Variants in COQ2 observed in about 807,000 individuals in gnomAD.
The protein encoded by COQ2 is coenzyme Q2, polyprenyltransferase, also known as 4-hydroxybenzoate polyprenyltransferase, mitochondrial.
In COQ2, 25 loss-of-function variants were observed where a neutral mutation model predicts 35.7. That is an observed-to-expected ratio of 0.70 (90% CI 0.51 to 0.98). The LOEUF (loss-of-function observed/expected upper bound fraction) is 0.98. Ranked by LOEUF, COQ2 falls within the 50% of genes least tolerant of loss-of-function variation. The probability of loss-of-function intolerance (pLI) is 0.00; values close to 1 mark genes in which losing one functional copy is unlikely to be tolerated. For synonymous variants in COQ2, 206 were observed against 186.2 expected (o/e 1.11, Z -0.86); for missense variants, 488 against 473.5 (o/e 1.03, Z -0.28).
chr4:83,268,814 A>G (rs1342753883), intron 5 of COQ2, among the ~76,000 whole-genome samples: 1 of 152,244 alleles, frequency 6.6e-6, no homozygotes, highest in African/African-American at 2.4e-5. Flanking sequence ...TAGTGGAAGA[A>G]AACAGAATGA....
In COQ2 at chr4:83,279,091, A is replaced by C; in HGVS notation, c.277T>G (p.Cys93Gly). The change falls in exon 2 of 7, where the codon TGT (cysteine) becomes GGT (glycine). Residue 93 changes from cysteine to glycine, a missense_variant. Physicochemically the swap from Cys to Gly is radical, Grantham distance 159 (BLOSUM62 -3). Coordinates refer to ENST00000647002, the MANE Select transcript of COQ2 (RefSeq NM_001358921.2). ...GCTGCCAAACCAATGCTCCAGGTAC[A>C]TGGTAAATACAGAAGCCAGGTTCCT... ...PIGTWLLYLP[C>G]TWSIGLAAEP... 1 of 1,584,484 alleles carries C rather than the reference A, an allele frequency of 6.3e-7. No individual in the cohort carries two copies.
intron 1 of COQ2, chr4:83,283,366 C>A: frequency 2.0e-6 from 2 of 985,426 alleles, no homozygotes; most frequent in South Asian, 4.7e-5. Context: ...CAGATATGTT[C>A]TTGTCTAGTC....
At chr4:83,271,498 C>G (rs987714790) in intron 4 of COQ2, among the ~76,000 whole-genome samples, 1 of 152,058 alleles carries the variant, frequency 6.6e-6, no homozygotes, top group Non-Finnish European at 1.5e-5. Flanking sequence ...CATGACATAC[C>G]TAGATTTTTA....
intron 4 of COQ2, 60 bp from the exon 5 acceptor site, chr4:83,270,053 G>T (rs984824029): frequency 5.9e-5 from 93 of 1,567,096 alleles, no homozygotes; most frequent in Middle Eastern, 1.7e-4. Context: ...ATCCTAAAGG[G>T]AAGGAGTGGC....
At chr4:83,277,198 G>GA (rs1238338350) in intron 2 of COQ2, among the ~76,000 whole-genome samples, 120 of 150,818 alleles carry the variant, frequency 8.0e-4, no homozygotes, top group Middle Eastern at 6.8e-3. Flanking sequence ...CATTTTTAAA[G>GA]AAAAAAAAAG....
chr4:83,273,360 A>T, intron 3 of COQ2, 136 bp downstream of exon 3: 1 of 803,852 alleles, frequency 1.2e-6, no homozygotes, highest in Non-Finnish European at 1.9e-6. Context: ...GTGGTGAGTT[A>T]CTTACACTTG....
intron 1 of COQ2, among the ~76,000 whole-genome samples, chr4:83,280,948 A>T (rs564732325): frequency 2.3e-4 from 35 of 152,326 alleles, no homozygotes; most frequent in African/African-American, 8.4e-4. Flanking sequence ...TCTTTATATT[A>T]AACTTATTTA....
At chr4:83,268,078 A>G (rs1367707469) in intron 5 of COQ2, among the ~76,000 whole-genome samples, 2 of 152,324 alleles carry the variant, frequency 1.3e-5, no homozygotes, top group Non-Finnish European at 2.9e-5. Context: ...TATTTGTTAT[A>G]ATCCTATAAT....
intron 2 of COQ2, among the ~76,000 whole-genome samples, chr4:83,277,987 C>T (rs1735225541): frequency 7.5e-6 from 1 of 133,774 alleles, no homozygotes; most frequent in Non-Finnish European, 1.6e-5. Flanking sequence ...CACACACACA[C>T]ACACACACAC....
Position 83,264,292 on chromosome 4 carries a change from T to C in COQ2, c.1023A>G (p.Leu341=). The C allele has an allele frequency of 6.2e-7, 1 of 1,612,670 alleles. No individual in the cohort carries two copies. Among genetic ancestry groups the C allele is most frequent in the Non-Finnish European group, 8.5e-7 (1 of 1,179,444 alleles). The change falls in exon 7 of 7, where the codon CTA becomes CTG. Residue 341 remains leucine, a synonymous_variant. Coordinates refer to ENST00000647002, the MANE Select transcript of COQ2 (RefSeq NM_001358921.2). ...CAAGGACAATCCCTAAAAAAACTAT[T>C]AGTCCCAGTGTTCGGTTGGAGATAA... ...NKFISNRTLG[L]IVFLGIVLGN...
rs892814467 is a variant in COQ2, at chr4:83,284,692, G to A, written c.73C>T (p.Arg25Trp). 3.4e-6 allele frequency: 5 copies of A among 1,477,452 alleles called. No individual in the cohort carries two copies. The highest frequency in any genetic ancestry group is 1.3e-5 in the South Asian group (1 of 76,922). 91.5% of individuals were successfully genotyped at this position (1,477,452 alleles called of 1,614,324 possible). Residue 25 changes from arginine to tryptophan, a missense_variant, in exon 1 of 7, where the codon CGG (arginine) becomes TGG (tryptophan). Coordinates refer to ENST00000647002, the MANE Select transcript of COQ2 (RefSeq NM_001358921.2). ...AVALAWLPGW[R>W]GRSFALARAA... is the part of the protein sequence containing the mutation. ...CGCGCCAGGGCGAAGGAGCGGCCCC[G>A]CCAGCCCGGCAGCCACGCCAGTGCC...
rs758079718 is a variant in COQ2 at position 83,272,151 on chromosome 4, G to T, written c.564C>A (p.Ser188=). 2.2e-5 allele frequency: 35 copies of T among 1,609,966 alleles called. No homozygotes were observed. Among genetic ancestry groups the T allele is most frequent in the Non-Finnish European group, 2.1e-5 (25 of 1,178,002 alleles). The change falls in exon 4 of 7, where the codon TCC becomes TCA. Residue 188 remains serine (S), a synonymous_variant. Transcript: ENST00000647002. ...NYYSIALGAG[S]LLLVITYPLM... is the part of the protein sequence containing the mutation. The stretch of plus-strand genomic sequence containing the variant: ...GTGGGTAGGTGATGACAAGAAGTAA[G>T]GATCCTGCTCCCAGAGCTATACTGA...
At chr4:83,278,842 G>T in intron 2 of COQ2, 106 bp downstream of exon 2, 1 of 1,211,600 alleles carries the variant, frequency 8.3e-7, no homozygotes, top group Non-Finnish European at 1.1e-6. Context: ...GATTTCTGTG[G>T]TCACTGAATG....
Position 83,272,098 on chromosome 4 carries a change from T to G in COQ2, c.617A>C (p.Gln206Pro). ...PLMKRISYWP[Q>P]LALGLTFNWG... is the part of the protein sequence containing the mutation. ...TATTGTAAGCTCACCCAAGGCTAGT[T>G]GAGGCCAGTATGAAATTCTTTTCAT... is the stretch of plus-strand genomic sequence containing the variant. Residue 206 changes from glutamine (Q) to proline (P), a missense_variant, in exon 4 of 7, where the codon CAA becomes CCA. Coordinates refer to ENST00000647002, the MANE Select transcript of COQ2 (RefSeq NM_001358921.2). The G allele has an allele frequency of 6.2e-7, 1 of 1,606,474 alleles. No individual in the cohort carries two copies. The highest frequency in any genetic ancestry group is 8.5e-7 in the Non-Finnish European group (1 of 1,175,430).
At chr4:83,275,409 AG>A (rs1199952871) in intron 2 of COQ2, among the ~76,000 whole-genome samples, 1 of 129,192 alleles carries the variant, frequency 7.7e-6, no homozygotes, top group Non-Finnish European at 1.6e-5. Flanking sequence ...GCCCCTGCCA[AG>A]TAGGCTTTTT....
intron 6 of COQ2, among the ~76,000 whole-genome samples, chr4:83,265,344 C>T (rs1345992358): frequency 2.6e-5 from 4 of 152,136 alleles, no homozygotes; most frequent in South Asian, 2.1e-4. Flanking sequence ...CTGAGGTGGG[C>T]GGATCACTTA....
chr4:83,278,774 T>C (rs984280242), intron 2 of COQ2, among the ~76,000 whole-genome samples, 174 bp downstream of exon 2: 1 of 152,246 alleles, frequency 6.6e-6, no homozygotes, highest in African/African-American at 2.4e-5. Context: ...AAAGGAAATA[T>C]TGTACTCTGC....
chr4:83,283,460 G>A, intron 1 of COQ2: 1 of 985,408 alleles, frequency 1.0e-6, no homozygotes, highest in Non-Finnish European at 1.2e-6. Flanking sequence ...TTGGGTCTTT[G>A]CAAAAGTACT....
Position 83,267,765 on chromosome 4 carries a change from C to CAAAA in COQ2, c.771_772insTTTT (p.Asp258PhefsTer2). 1.3e-6 allele frequency: 2 copies of CAAAA among 1,544,906 alleles called. No individual in the cohort carries two copies. The highest frequency in any genetic ancestry group is 1.7e-6 in the Non-Finnish European group (2 of 1,144,682). ...GACTTAAGACCAATCAAAACATCAT[C>CAAAA]TCTTTTGTCCTAATATCAGAAAGAA... On this transcript the variant is annotated frameshift_variant, in exon 6 of 7. Transcript: ENST00000647002. LOFTEE classifies it high-confidence loss of function.
Sources: gnomAD v4.1 joint callset for allele counts (sites outside exome capture counted in the v4.1 genomes callset) on GRCh38, gnomAD v4.1.1 for gene constraint, MANE v1.5 for transcripts, NCBI Gene and HGNC (gene_info 2026-07-23, HGNC 2026-07-21) for gene names.